The following GIPC3 variants were observed in gnomAD, a reference collection of about 807,000 sequenced individuals.
The protein encoded by GIPC3 is GIPC PDZ domain containing family member 3.
In GIPC3, 16 loss-of-function variants were observed where a neutral mutation model predicts 27.3. The observed-to-expected ratio is 0.59, with a 90% CI of 0.40 to 0.89. The LOEUF is 0.89. Among genes scored for constraint, GIPC3 ranks in the 40% least tolerant of loss-of-function variants. The probability of loss-of-function intolerance (pLI) is 0.00; values close to 1 mark genes in which losing one functional copy is unlikely to be tolerated. For missense variants in GIPC3, 440 were observed against 442.1 expected, an observed-to-expected ratio of 1.00 and a Z score of 0.04; for synonymous variants, 194 against 184.6, an observed-to-expected ratio of 1.05 and a Z score of -0.41.
At chr19:3,589,733 T>G (rs2032444587) in intron 4 of GIPC3, 98 bp from the exon 5 acceptor site, 2 of 1,159,604 alleles carry the variant, frequency 1.7e-6, no homozygotes, top group South Asian at 2.5e-5. Flanking sequence ...CGTGTGAGGG[T>G]CCAGTCTACT....
At chr19:3,587,978 C>T (rs1490184687) in intron 3 of GIPC3, among the ~76,000 whole-genome samples, 4 of 151,596 alleles carry the variant, frequency 2.6e-5, no homozygotes, top group Non-Finnish European at 4.4e-5. Context: ...TGTGAGCCAC[C>T]GCGCCTGGCC....
chr19:3,590,007 C>T (rs549625647), intron 5 of GIPC3, 32 bp from the exon 6 acceptor site: 20 of 1,612,922 alleles, frequency 1.2e-5, no homozygotes, highest in African/African-American at 2.7e-5. Flanking sequence ...GGGGAGTGCC[C>T]TCACTGACAT....
intron 5 of GIPC3, 41 bp from the exon 6 acceptor site, chr19:3,589,998 G>A (rs760318465): frequency 3.1e-6 from 5 of 1,613,032 alleles, no homozygotes; most frequent in Non-Finnish European, 4.2e-6. Flanking sequence ...GTTGGGCGCG[G>A]GGAGTGCCCT....
chr19:3,592,743 A>G lies in GIPC3; in HGVS notation c.*2553A>G. On this transcript the variant is annotated 3_prime_UTR_variant, in exon 6 of 6. Coordinates refer to ENST00000644452, the MANE Select transcript of GIPC3 (RefSeq NM_133261.3). ...CTCTGAAACCCAGACCGGCTCAAGA[A>G]TTCAGCCCAGCCCTGGAGCCCACCT... is the stretch of plus-strand genomic sequence containing the variant. 4.1e-6 allele frequency: 5 copies of G among 1,231,922 alleles called. No individual in the cohort carries two copies. Among genetic ancestry groups the G allele is most frequent in the Non-Finnish European group, 4.0e-6 (4 of 987,812 alleles). 76.3% of individuals were successfully genotyped at this position (1,231,922 alleles called of 1,614,324 possible).
Position 3,592,945 on chromosome 19 carries a change from GA to G in GIPC3, c.*2756del. 2 of 546,396 alleles carry G rather than the reference GA, an allele frequency of 3.7e-6. No homozygotes were observed. Among genetic ancestry groups the G allele is most frequent in the Non-Finnish European group, 4.5e-6 (2 of 448,096 alleles). 33.8% of individuals were successfully genotyped at this position (546,396 alleles called of 1,614,324 possible). ...CCTCAGCCCCCAGGCCCATCCCCCA[GA>G]GACCCCACCCCAGCCCCTAGCAAAG... On this transcript the variant is annotated 3_prime_UTR_variant, in exon 6 of 6. Transcript: ENST00000644452.
rs1281960783 is a variant in GIPC3 at position 3,589,460 on chromosome 19, A to G, written c.610A>G (p.Ser204Gly). Residue 204 changes from serine (S) to glycine (G), a missense_variant, in exon 4 of 6, where the codon AGT (serine) becomes GGT (glycine). Transcript: ENST00000644452. The stretch of plus-strand genomic sequence containing the variant: ...CCCTCCAGATATGATTGGCCAGAGA[A>G]GTCGGTCCAGCAAATGTCCAGTAGA... ...KRAFDMIGQRSRSSKCPVEAK... is the reference protein window; with the variant it reads ...KRAFDMIGQRGRSSKCPVEAK... 6.2e-7 allele frequency: 1 copy of G among 1,613,886 alleles called. No homozygotes were observed. Among genetic ancestry groups the G allele is most frequent in the East Asian group, 2.2e-5 (1 of 44,858 alleles).
Position 3,591,159 on chromosome 19 carries a change from A to T in GIPC3, c.*969A>T. 1 of 1,233,188 alleles carries T rather than the reference A, an allele frequency of 8.1e-7. No homozygotes were observed. The highest frequency in any genetic ancestry group is 1.0e-6 in the Non-Finnish European group (1 of 988,786). 76.4% of individuals were successfully genotyped at this position (1,233,188 alleles called of 1,614,324 possible). On this transcript the variant is annotated 3_prime_UTR_variant, in exon 6 of 6. Transcript: ENST00000644452. Reference sequence around the variant, plus strand: ...CTCTAGAACCCAGATAAGCTCTGAAACCAATCCCAGCATTGAGACCAAGCC... The same window carrying T: ...CTCTAGAACCCAGATAAGCTCTGAATCCAATCCCAGCATTGAGACCAAGCC...
rs149647721 is a variant in GIPC3 at position 3,590,116 on chromosome 19, G to A, written c.865G>A (p.Glu289Lys). The A allele has an allele frequency of 1.3e-5, 21 of 1,611,116 alleles. No individual in the cohort carries two copies. Among genetic ancestry groups the A allele is most frequent in the African/African-American group, 9.3e-5 (7 of 74,914 alleles). Reference protein sequence around the residue: ...FARCLDSVLGEFAFPDEFVVE... With the variant: ...FARCLDSVLGKFAFPDEFVVE... Reference sequence around the variant, plus strand: ...ACGCTGTTTAGACTCCGTCTTGGGCGAGTTCGCCTTCCCCGACGAGTTTGT... The same window carrying A: ...ACGCTGTTTAGACTCCGTCTTGGGCAAGTTCGCCTTCCCCGACGAGTTTGT... The change falls in exon 6 of 6, where the codon GAG becomes AAG. Residue 289 changes from glutamate to lysine, a missense_variant. Coordinates refer to ENST00000644452, the MANE Select transcript of GIPC3 (RefSeq NM_133261.3).
In GIPC3 at chr19:3,592,774, C is replaced by G. The variant is rs2032510526; in HGVS notation, c.*2584C>G. 8.1e-7 allele frequency: 1 copy of G among 1,232,014 alleles called. No individual in the cohort carries two copies. The highest frequency in any genetic ancestry group is 3.2e-5 in the East Asian group (1 of 31,728). The allele number at this position is 1,232,014 out of a possible 1,614,324, so 76.3% of individuals were successfully genotyped here. A position where few individuals can be genotyped will look rare whatever the true frequency, so the allele number is the denominator to read the frequency against. ...CCCAGCCCTGGAGCCCACCTTAGTT[C>G]TGGAACCCAGCCTGTTTCTGGAACC... On this transcript the variant is annotated 3_prime_UTR_variant, in exon 6 of 6. Transcript: ENST00000644452.
At position 3,586,544 on chromosome 19, in the gene GIPC3, T is replaced by TG. The variant is rs750147424; in HGVS notation, c.281dup (p.Gln95SerfsTer23). The TG allele has an allele frequency of 4.3e-6, 7 of 1,613,864 alleles. No individual in the cohort carries two copies. Among genetic ancestry groups the TG allele is most frequent in the Non-Finnish European group, 5.1e-6 (6 of 1,179,964 alleles). On this transcript the variant is annotated frameshift_variant, in exon 2 of 6. Transcript: ENST00000644452. LOFTEE classifies it high-confidence loss of function. ...CACAAAGTGGACATGCAGAAGCTCC[T>TG]GGGGGGTCAGATAGGCCTGGAGGAC...
rs876657467 is a variant in GIPC3 at position 3,585,810 on chromosome 19, C to A, written c.213C>A (p.Ile71=). The change falls in exon 1 of 6, where the codon ATC becomes ATA. Residue 71 remains isoleucine (I), a synonymous_variant. Coordinates refer to ENST00000644452, the MANE Select transcript of GIPC3 (RefSeq NM_133261.3). ...CCAAGATCGCCGAAGCCTTCGGGAT[C>A]GCGCCCACCGAGGTAAGGAGCCCGG... ...LYAKIAEAFG[I]APTEILFCTL... The A allele has an allele frequency of 8.9e-5, 137 of 1,544,842 alleles. No homozygotes were observed. The highest frequency in any genetic ancestry group is 1.2e-4 in the Non-Finnish European group (133 of 1,146,040).
Position 3,589,547 on chromosome 19 carries a change from G to T in GIPC3, c.697G>T (p.Glu233Ter). 1 of 1,613,284 alleles carries T rather than the reference G, an allele frequency of 6.2e-7. No individual in the cohort carries two copies. ...TCGTTCTGGGGGGGCTGCCACAGTG[G>T]AGGAAGCGGTGAGTGAAGGGGAGGG... is the stretch of plus-strand genomic sequence containing the variant. ...RLRSGGAATV[E>*]EAPSEFEEEA... Residue 233 changes from glutamate to a stop codon, truncating the protein, a stop_gained, in exon 4 of 6, where the codon GAG (glutamate) becomes TAG (stop). Transcript: ENST00000644452. LOFTEE classifies it high-confidence loss of function.
In GIPC3 at chr19:3,585,653, C is replaced by A. The variant is rs1398147197; in HGVS notation, c.56C>A (p.Ala19Glu). 7 of 1,215,576 alleles carry A rather than the reference C, an allele frequency of 5.8e-6. No individual in the cohort carries two copies. The highest frequency in any genetic ancestry group is 9.0e-5 in the Admixed American group (2 of 22,328). 75.3% of individuals were successfully genotyped at this position (1,215,576 alleles called of 1,614,324 possible). ...GGGACCGAGACCCCGCGCGCGTCTG[C>A]GCCCCCGCCCGCGCCCTCGGAGCCC... ...ARGTETPRAS[A>E]PPPAPSEPPA... Residue 19 changes from alanine (A) to glutamate (E), a missense_variant, in exon 1 of 6, where the codon GCG becomes GAG. By Grantham distance (107) the Ala-to-Glu change is moderately radical. Coordinates refer to ENST00000644452, the MANE Select transcript of GIPC3 (RefSeq NM_133261.3).
Position 3,590,166 on chromosome 19 carries a change from CGAGG to C in GIPC3, c.916_919del (p.Glu306ProfsTer41). 1 of 1,606,236 alleles carries C rather than the reference CGAGG, an allele frequency of 6.2e-7. No individual in the cohort carries two copies. ...TGGTGGAAGTGTGGGCCGCCATCGG[CGAGG>C]CCAGAGAGGCCTGTGGCTAGTTTGC... On this transcript the variant is annotated frameshift_variant, in exon 6 of 6. Coordinates refer to ENST00000644452, the MANE Select transcript of GIPC3 (RefSeq NM_133261.3). LOFTEE classifies it high-confidence loss of function.
At chr19:3,586,373 C>T in intron 1 of GIPC3, 122 bp from the exon 2 acceptor site, 1 of 869,718 alleles carries the variant, frequency 1.1e-6, no homozygotes, top group Non-Finnish European at 1.9e-6. Flanking sequence ...GGGGGTCCCA[C>T]GCCCTGCCCT....
Position 3,585,792 on chromosome 19 carries a change from C to A in GIPC3, c.195C>A (p.Ile65=). 1 of 1,547,892 alleles carries A rather than the reference C, an allele frequency of 6.5e-7. No individual in the cohort carries two copies. The highest frequency in any genetic ancestry group is 8.7e-7 in the Non-Finnish European group (1 of 1,146,432). Reference sequence around the variant, plus strand: ...ACGTCCGCGAGCTGTACGCCAAGATCGCCGAAGCCTTCGGGATCGCGCCCA... The same window carrying A: ...ACGTCCGCGAGCTGTACGCCAAGATAGCCGAAGCCTTCGGGATCGCGCCCA... ...FTNVRELYAK[I]AEAFGIAPTE... The change falls in exon 1 of 6, where the codon ATC becomes ATA. Residue 65 remains isoleucine, a synonymous_variant. Coordinates refer to ENST00000644452, the MANE Select transcript of GIPC3 (RefSeq NM_133261.3).
chr19:3,593,420 CAG>C lies in GIPC3; in HGVS notation c.*3231_*3232del, dbSNP rs368655318. The C allele has an allele frequency of 4.0e-5, 32 of 803,044 alleles. No homozygotes were observed. The African/African-American group carries it at 5.1e-4, about 13-fold the overall frequency. The allele number at this position is 803,044 out of a possible 1,614,324, so 49.7% of individuals were successfully genotyped here. ...GGTAGGGAGTGTGCGGTGGTGAAAA[CAG>C]GGGCTTCACCGGTCCTGGCTCAGAT... On this transcript the variant is annotated 3_prime_UTR_variant, in exon 6 of 6. Transcript: ENST00000644452.
At chr19:3,585,902 AC>A (rs2032355174) in intron 1 of GIPC3, 80 bp downstream of exon 1, 3 of 1,478,248 alleles carry the variant, frequency 2.0e-6, no homozygotes, top group Middle Eastern at 4.2e-4. Context: ...TGGACGGGAG[AC>A]CCCAGATCCC....
Position 3,589,573 on chromosome 19 carries a change from G to C in GIPC3, c.705+18G>C. The C allele has an allele frequency of 5.7e-6, 9 of 1,569,810 alleles. No individual in the cohort carries two copies. Among genetic ancestry groups the C allele is most frequent in the East Asian group, 2.2e-5 (1 of 44,678 alleles). On this transcript the variant is annotated intron_variant, in intron 4 of 5. Transcript: ENST00000644452. ...AGGAAGCGGTGAGTGAAGGGGAGGG[G>C]CTCTCCCCAGGCTTCTGCACCTTCA...
Sources: allele counts gnomAD v4.1 joint callset (sites outside exome capture counted in the v4.1 genomes callset), GRCh38; gene constraint gnomAD v4.1.1; transcripts MANE v1.5; gene names NCBI Gene and HGNC (gene_info 2026-07-23, HGNC 2026-07-21).